Variants in BCAS3 observed in about 807,000 individuals in gnomAD.
BCAS3 encodes BCAS3 microtubule associated cell migration factor.
A neutral mutation model predicts 116.1 loss-of-function variants in BCAS3; 53 were observed. That is an observed-to-expected ratio of 0.46 (90% CI 0.37 to 0.57). BCAS3 has a LOEUF of 0.57. Among genes scored for constraint, BCAS3 ranks in the 20% least tolerant of loss-of-function variants. BCAS3 has a pLI of 0.00. For missense variants in BCAS3, 917 were observed against 1,165.4 expected (o/e 0.79, Z 3.10); for synonymous variants, 391 against 408.2 (o/e 0.96, Z 0.51).
At chr17:60,766,982 C>G (rs2044166503) in intron 6 of BCAS3, among the ~76,000 whole-genome samples, 1 of 152,254 alleles carries the variant, frequency 6.6e-6, no homozygotes, top group Non-Finnish European at 1.5e-5. Flanking sequence ...AGCAAGGCTC[C>G]ATGGGCATTG....
intron 6 of BCAS3, among the ~76,000 whole-genome samples, chr17:60,768,269 G>C (rs1015544554): frequency 6.6e-6 from 1 of 152,236 alleles, no homozygotes; most frequent in Non-Finnish European, 1.5e-5. Context: ...TATTGATCAA[G>C]GATGTGTCTG....
At position 61,339,032 on chromosome 17, in the gene BCAS3, GA is replaced by G. The variant is rs5821322; in HGVS notation, c.2426-29284del. 2.7e-4 allele frequency among the ~76,000 whole-genome samples: 39 copies of G among 147,154 alleles called. No individual in the cohort carries two copies. The highest frequency in any genetic ancestry group is 6.5e-4 in the South Asian group (3 of 4,650). ...CCAAAGTTTAACATCTTGGTTTTGG[GA>G]AAAAAAAAAATTCACAAAGACCCAT... On this transcript the variant is annotated intron_variant, in intron 22 of 23. Transcript: ENST00000407086. The surrounding 1 kb of genome is among the most constrained non-coding windows in gnomAD (Gnocchi z 4.4).
At position 61,137,155 on chromosome 17, in the gene BCAS3, T is replaced by C. The variant is rs548968868; in HGVS notation, c.2425+52591T>C. On this transcript the variant is annotated intron_variant, in intron 22 of 23. Coordinates refer to ENST00000407086, the MANE Select transcript of BCAS3 (RefSeq NM_017679.5). ...TGATGCCAAATATATATATCTTATTTAATGCTGACTTCAAACCTGGGAAGT... is the reference window on the plus strand; with the variant it reads ...TGATGCCAAATATATATATCTTATTCAATGCTGACTTCAAACCTGGGAAGT... Among the ~76,000 whole-genome samples, 3 of 152,210 alleles carry C rather than the reference T, an allele frequency of 2.0e-5. No homozygotes were observed. In the South Asian group the frequency reaches 6.2e-4, roughly 32 times the overall value.
chr17:60,922,934 A>C (rs1233854945), intron 12 of BCAS3, among the ~76,000 whole-genome samples: 2 of 152,210 alleles, frequency 1.3e-5, no homozygotes, highest in Non-Finnish European at 2.9e-5. Context: ...GAGTATAACT[A>C]TAGTGTTATA....
intron 10 of BCAS3, 121 bp downstream of exon 10, chr17:60,889,892 T>A: frequency 1.1e-6 from 1 of 892,386 alleles, no homozygotes; most frequent in Non-Finnish European, 1.7e-6. Flanking sequence ...ACTAGTTCAT[T>A]TGCTTTGGTT....
intron 6 of BCAS3, among the ~76,000 whole-genome samples, chr17:60,767,190 C>T (rs1013930573): frequency 1.7e-4 from 26 of 152,088 alleles, no homozygotes; most frequent in Non-Finnish European, 1.9e-4. Context: ...GCTCGCCCTC[C>T]GTGGGCTGCA....
intron 7 of BCAS3, among the ~76,000 whole-genome samples, chr17:60,862,086 G>A (rs1423187495): frequency 3.9e-5 from 6 of 151,980 alleles, no homozygotes; most frequent in Admixed American, 6.6e-5. Flanking sequence ...GATTGAGACC[G>A]TCCTGGCTAA....
At chr17:60,859,400 G>A (rs2053967450) in intron 7 of BCAS3, among the ~76,000 whole-genome samples, 3 of 152,008 alleles carry the variant, frequency 2.0e-5, no homozygotes, top group Middle Eastern at 3.2e-3. Flanking sequence ...TTGTGTCCAT[G>A]TGAATTCATT....
intron 19 of BCAS3, among the ~76,000 whole-genome samples, chr17:61,047,364 A>G (rs944995617): frequency 1.3e-5 from 2 of 152,014 alleles, no homozygotes; most frequent in Non-Finnish European, 2.9e-5. Flanking sequence ...AAGTTTTTTA[A>G]AAGTCTGATA....
intron 6 of BCAS3, among the ~76,000 whole-genome samples, chr17:60,797,719 T>A (rs1598783021): frequency 6.6e-6 from 1 of 152,086 alleles, no homozygotes; most frequent in African/African-American, 2.4e-5. Flanking sequence ...GTGTATGATG[T>A]TCTTCTCTCT....
At position 61,012,615 on chromosome 17, in the gene BCAS3, A is replaced by G. The variant is rs2065185654; in HGVS notation, c.1487-3136A>G. The stretch of plus-strand genomic sequence containing the variant: ...TAAGACAGACACCACCCCTACGAAC[A>G]TAAACATGAATGTAAAACCTACACA... On this transcript the variant is annotated intron_variant, in intron 15 of 23. Transcript: ENST00000407086. The surrounding 1 kb of genome is among the most constrained non-coding windows in gnomAD (Gnocchi z 4.5). Among the ~76,000 whole-genome samples, 1 of 152,074 alleles carries G rather than the reference A, an allele frequency of 6.6e-6. No homozygotes were observed. Among genetic ancestry groups the G allele is most frequent in the South Asian group, 2.1e-4 (1 of 4,830 alleles).
chr17:61,016,046 A>G (rs2065431638), intron 16 of BCAS3, 145 bp downstream of exon 16: 4 of 870,286 alleles, frequency 4.6e-6, no homozygotes, highest in Admixed American at 2.7e-5. Context: ...GATTAAGTAC[A>G]AAGCATAGAA....
At chr17:60,698,373 G>C (rs1001853885) in intron 4 of BCAS3, among the ~76,000 whole-genome samples, 13 of 152,096 alleles carry the variant, frequency 8.5e-5, no homozygotes, top group Admixed American at 8.5e-4. Flanking sequence ...GGCCAGGCCT[G>C]GTGGCTTATG....
rs566519995 is a variant in BCAS3 at position 61,302,990 on chromosome 17, C to A, written c.2426-65337C>A. On this transcript the variant is annotated intron_variant, in intron 22 of 23. Coordinates refer to ENST00000407086, the MANE Select transcript of BCAS3 (RefSeq NM_017679.5). The surrounding 1 kb of genome is among the most constrained non-coding windows in gnomAD (Gnocchi z 4.4). The stretch of plus-strand genomic sequence containing the variant: ...TATTCAAAGCAAAAGATAGTTGAGG[C>A]AGCTCAACTTGTGATGAGTTCCCCT... 4.9e-4 allele frequency among the ~76,000 whole-genome samples: 75 copies of A among 152,242 alleles called. No individual in the cohort carries two copies. Among genetic ancestry groups the A allele is most frequent in the Non-Finnish European group, 8.7e-4 (59 of 68,026 alleles).
At chr17:61,054,441 A>G (rs1016625641) in intron 19 of BCAS3, among the ~76,000 whole-genome samples, 1 of 152,122 alleles carries the variant, frequency 6.6e-6, no homozygotes, top group East Asian at 1.9e-4. Context: ...ATCACAGATC[A>G]CTACAGCCTC....
intron 18 of BCAS3, among the ~76,000 whole-genome samples, chr17:61,038,356 G>A (rs1243876387): frequency 1.4e-5 from 2 of 148,060 alleles, no homozygotes; most frequent in Admixed American, 6.8e-5. Flanking sequence ...CAGCTCAAGC[G>A]ATTCTCCTGC....
At chr17:61,375,657 C>T (rs1603167100) in intron 23 of BCAS3, among the ~76,000 whole-genome samples, 2 of 151,792 alleles carry the variant, frequency 1.3e-5, no homozygotes, top group South Asian at 4.2e-4. Flanking sequence ...GCAGCCTCCA[C>T]CTCCCATCAT....
intron 22 of BCAS3, among the ~76,000 whole-genome samples, chr17:61,160,418 A>G (rs1311464746): frequency 1.3e-5 from 2 of 152,152 alleles, no homozygotes; most frequent in East Asian, 3.9e-4. Flanking sequence ...CTGATCTAAT[A>G]GAACTTGCTG....
chr17:61,094,436 C>T lies in BCAS3; in HGVS notation c.2425+9872C>T, dbSNP rs554117631. On this transcript the variant is annotated intron_variant, in intron 22 of 23. Coordinates refer to ENST00000407086, the MANE Select transcript of BCAS3 (RefSeq NM_017679.5). The stretch of plus-strand genomic sequence containing the variant: ...CAAAAATAAGCAAACCCTGTCACTT[C>T]GAAGAAAACAACTAACAATATTTAT... 3.9e-5 allele frequency among the ~76,000 whole-genome samples: 6 copies of T among 152,120 alleles called. No individual in the cohort carries two copies. In the East Asian group the frequency reaches 5.8e-4, roughly 15 times the overall value.
Sources: allele counts gnomAD v4.1 joint callset (sites outside exome capture counted in the v4.1 genomes callset), GRCh38; gene constraint gnomAD v4.1.1; non-coding constraint Gnocchi (gnomAD v3.1); transcripts MANE v1.5; gene names NCBI Gene and HGNC (gene_info 2026-07-23, HGNC 2026-07-21).